The following SEPTIN7 variants were observed in gnomAD, a reference collection of about 807,000 sequenced individuals.
The protein encoded by SEPTIN7 is septin-7.
In SEPTIN7, 10 loss-of-function variants were observed where a neutral mutation model predicts 63.3. The observed-to-expected ratio is 0.16, with a 90% CI of 0.10 to 0.27. SEPTIN7 has a LOEUF of 0.27. SEPTIN7 is among the 10% of genes least tolerant of loss of function. The pLI is 1.00. For synonymous variants in SEPTIN7, 131 were observed against 165.3 expected, an observed-to-expected ratio of 0.79 and a Z score of 1.59; for missense variants, 310 against 521.0, an observed-to-expected ratio of 0.59 and a Z score of 3.94.
chr7:35,846,008 T>C (rs190658909), intron 3 of SEPTIN7, among the ~76,000 whole-genome samples: 1 of 152,290 alleles, frequency 6.6e-6, no homozygotes, highest in East Asian at 1.9e-4. Context: ...GCTTGAAATT[T>C]TCTTCCTATA....
At chr7:35,884,857 A>T (rs1452816548) in intron 9 of SEPTIN7, among the ~76,000 whole-genome samples, 1 of 152,176 alleles carries the variant, frequency 6.6e-6, no homozygotes, top group African/African-American at 2.4e-5. Flanking sequence ...TTAAATACCA[A>T]TAAAATCTTA....
intron 3 of SEPTIN7, among the ~76,000 whole-genome samples, chr7:35,854,653 G>T (rs1157858661): frequency 6.6e-6 from 1 of 152,200 alleles, no homozygotes; most frequent in South Asian, 2.1e-4. Context: ...TCTCTTACTG[G>T]ACTCAATAAT....
intron 1 of SEPTIN7, among the ~76,000 whole-genome samples, chr7:35,821,201 G>C (rs1384043263): frequency 3.3e-5 from 5 of 152,180 alleles, no homozygotes; most frequent in Non-Finnish European, 7.4e-5. Context: ...CCAAGGCTCA[G>C]CCCCTTGTCT....
intron 10 of SEPTIN7, 148 bp downstream of exon 10, chr7:35,886,027 T>A: frequency 1.6e-6 from 1 of 607,544 alleles, no homozygotes. Context: ...TATAGATGAT[T>A]CTTTCTCCAA....
intron 10 of SEPTIN7, among the ~76,000 whole-genome samples, chr7:35,888,050 G>A (rs763621688): frequency 1.1e-4 from 17 of 152,186 alleles, no homozygotes; most frequent in African/African-American, 3.9e-4. Flanking sequence ...CAAGGAAGAC[G>A]ATGGAAAGGA....
At chr7:35,831,924 CTT>C in intron 2 of SEPTIN7, 1 of 302,878 alleles carries the variant, frequency 3.3e-6, no homozygotes, top group Admixed American at 4.9e-5. Flanking sequence ...ATGTGTGCCT[CTT>C]TTTGCTATTT....
At chr7:35,840,366 G>A (rs755608500) in intron 3 of SEPTIN7, among the ~76,000 whole-genome samples, 11 of 149,286 alleles carry the variant, frequency 7.4e-5, no homozygotes, top group South Asian at 2.2e-4. Flanking sequence ...TCAAGTGATC[G>A]TCCCACCTCA....
chr7:35,875,757 G>A (rs962503899), intron 6 of SEPTIN7, among the ~76,000 whole-genome samples: 1 of 151,870 alleles, frequency 6.6e-6, no homozygotes, highest in African/African-American at 2.4e-5. Context: ...TTATACAGAA[G>A]GATTTTTTCT....
intron 3 of SEPTIN7, chr7:35,838,748 CATATTAA>C (rs1480711656): frequency 6.6e-6 from 1 of 151,986 alleles, no homozygotes; most frequent in African/African-American, 2.4e-5. Context: ...AGTTTTACTA[CATATTAA>C]ATATAAAGAC....
chr7:35,901,611 A>G (rs1450114627), intron 12 of SEPTIN7: 1 of 152,182 alleles, frequency 6.6e-6, no homozygotes, highest in Non-Finnish European at 1.5e-5. Context: ...ATCTACATGC[A>G]GTTAACACAA....
rs777534911 is a variant in SEPTIN7, at chr7:35,905,476, T to C, written c.*1183T>C. ...TCTAATTTAAGAGATACCATATCTC[T>C]CTATTCATTTCTATCTCTCATTTGT... On this transcript the variant is annotated 3_prime_UTR_variant, in exon 14 of 14. Coordinates refer to ENST00000350320, the MANE Select transcript of SEPTIN7 (RefSeq NM_001788.6). The C allele has an allele frequency of 1.3e-5, 2 of 152,184 alleles. No homozygotes were observed. Among genetic ancestry groups the C allele is most frequent in the Non-Finnish European group, 1.5e-5 (1 of 68,040 alleles). The allele number at this position is 152,184 out of a possible 1,614,324, so 9.4% of individuals were successfully genotyped here.
intron 11 of SEPTIN7, among the ~76,000 whole-genome samples, chr7:35,893,743 CCTTT>C (rs1180598383): frequency 6.7e-6 from 1 of 149,400 alleles, no homozygotes; most frequent in Non-Finnish European, 1.5e-5. Flanking sequence ...TGAAAATGTG[CCTTT>C]CTGTTACGTC....
intron 3 of SEPTIN7, among the ~76,000 whole-genome samples, chr7:35,862,499 G>GT (rs1195534932): frequency 6.6e-6 from 1 of 152,020 alleles, no homozygotes; most frequent in African/African-American, 2.4e-5. Flanking sequence ...TGCTTTCAAG[G>GT]TATAAGAGTT....
At chr7:35,813,139 ATCC>A (rs2115724770) in intron 1 of SEPTIN7, among the ~76,000 whole-genome samples, 1 of 152,332 alleles carries the variant, frequency 6.6e-6, no homozygotes, top group Non-Finnish European at 1.5e-5. Context: ...CCTTACAAAT[ATCC>A]TCATCAAGAT....
intron 3 of SEPTIN7, among the ~76,000 whole-genome samples, chr7:35,856,898 A>G (rs1005861657): frequency 6.6e-6 from 1 of 152,234 alleles, no homozygotes; most frequent in African/African-American, 2.4e-5. Flanking sequence ...AAAGTTCTCA[A>G]TTATAGGAAA....
chr7:35,872,927 A>G (rs1786244100), intron 5 of SEPTIN7, among the ~76,000 whole-genome samples, 161 bp downstream of exon 5: 1 of 152,154 alleles, frequency 6.6e-6, no homozygotes, highest in Non-Finnish European at 1.5e-5. Flanking sequence ...CTTATCTGAC[A>G]AAGTTGTTTA....
At chr7:35,869,838 C>G (rs1562563247) in intron 4 of SEPTIN7, among the ~76,000 whole-genome samples, 1 of 152,070 alleles carries the variant, frequency 6.6e-6, no homozygotes, top group Non-Finnish European at 1.5e-5. Flanking sequence ...ATTTATTTTT[C>G]AGGGAAAAAC....
At chr7:35,825,579 G>A (rs781616712) in intron 1 of SEPTIN7, among the ~76,000 whole-genome samples, 33 of 152,090 alleles carry the variant, frequency 2.2e-4, no homozygotes, top group Non-Finnish European at 4.3e-4. Context: ...CTGTATCAGG[G>A]CATTTATCAC....
At chr7:35,908,405 C>G (rs1392531715), downstream of SEPTIN7, among the ~76,000 whole-genome samples, 2 of 152,192 alleles carry the variant, frequency 1.3e-5, no homozygotes, top group Admixed American at 1.3e-4. Flanking sequence ...AGCCAAACAG[C>G]CTTGTATTGG....
Sources: allele counts gnomAD v4.1 joint callset (sites outside exome capture counted in the v4.1 genomes callset), GRCh38; gene constraint gnomAD v4.1.1; transcripts MANE v1.5; gene names NCBI Gene and HGNC (gene_info 2026-07-23, HGNC 2026-07-21).